The following FARP2 variants were observed in gnomAD, a reference collection of about 807,000 sequenced individuals.
FARP2 encodes the protein FERM, ARHGEF and pleckstrin domain-containing protein 2.
A neutral mutation model predicts 130.5 loss-of-function variants in FARP2; 111 were observed. That is an observed-to-expected ratio of 0.85 (90% CI 0.73 to 1.00). The LOEUF (loss-of-function observed/expected upper bound fraction) is 1.00, where lower values mean the gene tolerates loss of function less well. Among genes scored for constraint, FARP2 ranks in the 50% least tolerant of loss-of-function variants. The pLI, the probability that FARP2 is intolerant of heterozygous loss-of-function variation, is 0.00. For synonymous variants in FARP2, 504 were observed against 516.9 expected, an observed-to-expected ratio of 0.98 and a Z score of 0.34; for missense variants, 1,385 against 1,346.3, an observed-to-expected ratio of 1.03 and a Z score of -0.45.
intron 13 of FARP2, chr2:241,444,873 A>G (rs763092888): frequency 6.6e-6 from 1 of 152,154 alleles, no homozygotes; most frequent in Admixed American, 6.5e-5. Context: ...ACACTTGACC[A>G]TGCTTGCCCC....
At chr2:241,373,381 A>G (rs1011011474) in intron 2 of FARP2, 91 bp downstream of exon 2, 3 of 867,492 alleles carry the variant, frequency 3.5e-6, no homozygotes, top group African/African-American at 3.5e-5. Context: ...TAGACTTTGC[A>G]TATTAAGTTG....
chr2:241,409,181 C>A (rs763855838), intron 5 of FARP2, among the ~76,000 whole-genome samples: 1 of 151,124 alleles, frequency 6.6e-6, no homozygotes. Flanking sequence ...TCCCTTCTCC[C>A]CCATATTTAT....
intron 2 of FARP2, among the ~76,000 whole-genome samples, chr2:241,383,151 G>A (rs1051827161): frequency 2.0e-5 from 3 of 152,194 alleles, no homozygotes; most frequent in Non-Finnish European, 2.9e-5. Context: ...GCTGAGCCTC[G>A]GTGTGCACCA....
intron 3 of FARP2, among the ~76,000 whole-genome samples, chr2:241,404,218 CAA>C (rs2062271233): frequency 6.6e-6 from 1 of 152,202 alleles, no homozygotes; most frequent in Admixed American, 6.5e-5. Flanking sequence ...GGACTTGTAG[CAA>C]ACTTAACCAG....
At chr2:241,422,246 C>T (rs1274216645) in intron 8 of FARP2, among the ~76,000 whole-genome samples, 1 of 138,586 alleles carries the variant, frequency 7.2e-6, no homozygotes, top group East Asian at 2.2e-4. Context: ...GAAACCCCAT[C>T]TCTACTAAAA....
At chr2:241,485,036 C>G (rs1387686348) in intron 21 of FARP2, among the ~76,000 whole-genome samples, 2 of 152,242 alleles carry the variant, frequency 1.3e-5, no homozygotes, top group East Asian at 3.9e-4. Flanking sequence ...ATCCCCAGCT[C>G]TGCCCTATCC....
chr2:241,471,504 T>TG lies in FARP2; in HGVS notation c.2131+3127_2131+3128insG, dbSNP rs1158688402. ...TCTTCTTTTTTTTTTTTTTTTTTTTTTTTGTGTGAGACGGAGTCTCGCTCT... is the reference window on the plus strand; with the variant it reads ...TCTTCTTTTTTTTTTTTTTTTTTTTTGTTTGTGTGAGACGGAGTCTCGCTCT... On this transcript the variant is annotated intron_variant, in intron 18 of 26. Coordinates refer to ENST00000264042, the MANE Select transcript of FARP2 (RefSeq NM_014808.4). 2.8e-5 allele frequency: 4 copies of TG among 142,520 alleles called. No individual in the cohort carries two copies. In the East Asian group the frequency reaches 6.2e-4, roughly 22 times the overall value. 8.8% of individuals were successfully genotyped at this position (142,520 alleles called of 1,614,324 possible).
At chr2:241,399,989 T>A (rs2062126369) in intron 2 of FARP2, among the ~76,000 whole-genome samples, 4 of 143,108 alleles carry the variant, frequency 2.8e-5, no homozygotes, top group Admixed American at 9.7e-5. Context: ...CCCATATAAC[T>A]GTGAATTTTT....
intron 13 of FARP2, among the ~76,000 whole-genome samples, chr2:241,455,658 AGGT>A (rs1235246666): frequency 6.6e-6 from 1 of 151,396 alleles, no homozygotes; most frequent in East Asian, 1.9e-4. Context: ...CTGGGATTAC[AGGT>A]ATGAGCCACC....
At chr2:241,362,096 CA>C (rs1366101372) in intron 1 of FARP2, among the ~76,000 whole-genome samples, 6 of 151,866 alleles carry the variant, frequency 4.0e-5, no homozygotes, top group African/African-American at 1.5e-4. Context: ...AGGGTTTCGC[CA>C]TGTTGGCCAG....
At chr2:241,398,519 A>G (rs1166818899) in intron 2 of FARP2, among the ~76,000 whole-genome samples, 5 of 150,882 alleles carry the variant, frequency 3.3e-5, no homozygotes, top group African/African-American at 7.3e-5. Flanking sequence ...TTTAATTGAC[A>G]TTTTGGTAGT....
intron 13 of FARP2, chr2:241,456,485 G>C: frequency 2.5e-6 from 1 of 392,618 alleles, no homozygotes; most frequent in Non-Finnish European, 4.5e-6. Flanking sequence ...TTGGTATCCA[G>C]GCCCCCCTAG....
chr2:241,437,862 T>C (rs140770026), intron 12 of FARP2, among the ~76,000 whole-genome samples: 3,284 of 152,018 alleles, frequency 0.022, 113 homozygotes, highest in African/African-American at 0.069. Flanking sequence ...AGACGGGGTT[T>C]CACTGTGTCA....
At chr2:241,430,371 C>T (rs1233180151) in intron 8 of FARP2, among the ~76,000 whole-genome samples, 1 of 152,216 alleles carries the variant, frequency 6.6e-6, no homozygotes, top group Non-Finnish European at 1.5e-5. Context: ...ATTTAGAGAC[C>T]AAGATCCATG....
intron 7 of FARP2, among the ~76,000 whole-genome samples, chr2:241,414,435 T>A (rs1448205358): frequency 6.6e-6 from 1 of 152,186 alleles, no homozygotes; most frequent in African/African-American, 2.4e-5. Flanking sequence ...GTTTGTCAGA[T>A]CATGTATGTT....
chr2:241,492,154 G>A (rs2064940212), intron 24 of FARP2, among the ~76,000 whole-genome samples: 1 of 152,032 alleles, frequency 6.6e-6, no homozygotes, highest in African/African-American at 2.4e-5. Context: ...CCCCAAGCCT[G>A]CTGTCTTACT....
chr2:241,375,748 G>A, intron 2 of FARP2, among the ~76,000 whole-genome samples: 1 of 151,978 alleles, frequency 6.6e-6, no homozygotes, highest in Non-Finnish European at 1.5e-5. Context: ...TGAATATCCT[G>A]GGTTGGATGG....
At chr2:241,404,538 C>G (rs952712510) in intron 3 of FARP2, among the ~76,000 whole-genome samples, 16 of 152,196 alleles carry the variant, frequency 1.1e-4, no homozygotes, top group Non-Finnish European at 2.4e-4. Flanking sequence ...GGGACCCATT[C>G]TGCGCATAGC....
chr2:241,441,686 G>C (rs377640839), intron 13 of FARP2, 130 bp downstream of exon 13: 2 of 1,335,098 alleles, frequency 1.5e-6, no homozygotes, highest in Admixed American at 1.8e-5. Flanking sequence ...AATGACAATG[G>C]TGGGGATGAC....
Sources: allele counts gnomAD v4.1 joint callset (sites outside exome capture counted in the v4.1 genomes callset), GRCh38; gene constraint gnomAD v4.1.1; transcripts MANE v1.5; gene names NCBI Gene and HGNC (gene_info 2026-07-23, HGNC 2026-07-21).